The following TTN variants were observed in gnomAD, a reference collection of about 807,000 sequenced individuals.
TTN encodes titin, also known as connectin.
A neutral mutation model predicts 3,223.0 loss-of-function variants in TTN; 1,525 were observed. That is an observed-to-expected ratio of 0.47 (90% CI 0.45 to 0.49). TTN has a LOEUF of 0.49. Ranked by LOEUF, TTN falls within the 20% of genes least tolerant of loss-of-function variation. TTN has a pLI of 0.00. For synonymous variants in TTN, 14,094 were observed against 15,161.0 expected, an observed-to-expected ratio of 0.93 and a Z score of 5.17; for missense variants, 40,786 against 43,424.0, an observed-to-expected ratio of 0.94 and a Z score of 5.40.
In TTN at chr2:178,580,018, G is replaced by A; in HGVS notation, c.67269C>T (p.Ser22423=). 2.5e-6 allele frequency: 4 copies of A among 1,613,312 alleles called. No individual in the cohort carries two copies. The highest frequency in any genetic ancestry group is 3.4e-6 in the Non-Finnish European group (4 of 1,179,498). The change falls in exon 318 of 363, where the codon TCC becomes TCT. Residue 22423 remains serine (S), a synonymous_variant. Transcript: ENST00000589042. ...TTTCAGCAAACACTCGGAAGAAGTAGGATTTTCCCTCCTCCAAATTAGCTA... is the reference window on the plus strand; with the variant it reads ...TTTCAGCAAACACTCGGAAGAAGTAAGATTTTCCCTCCTCCAAATTAGCTA... The part of the protein sequence containing the change: ...FRVANLEEGK[S]YFFRVFAENE...
intron 33 of TTN, 177 bp downstream of exon 33, chr2:178,772,932 A>G (rs371774442): frequency 1.7e-5 from 13 of 750,434 alleles, no homozygotes; most frequent in Middle Eastern, 3.9e-4. Flanking sequence ...GTAGGCCTAG[A>G]AGAACATTTG....
intron 83 of TTN, 22 bp downstream of exon 83, chr2:178,719,142 A>G: frequency 6.3e-7 from 1 of 1,592,698 alleles, no homozygotes; most frequent in Non-Finnish European, 8.6e-7. Flanking sequence ...GAGAAGCAGC[A>G]GCTTTATCCT....
intron 236 of TTN, 35 bp from the exon 237 acceptor site, chr2:178,631,335 A>G (rs931056298): frequency 1.9e-6 from 3 of 1,569,966 alleles, no homozygotes; most frequent in Non-Finnish European, 2.6e-6. Context: ...GCTTTTATTA[A>G]TCACCTTAGG....
chr2:178,795,974 A>G (rs999635857), intron 6 of TTN, among the ~76,000 whole-genome samples: 1 of 152,174 alleles, frequency 6.6e-6, no homozygotes, highest in Admixed American at 6.5e-5. Context: ...ATATCTTTAG[A>G]GTTATTGTGG....
chr2:178,550,474 G>A, intron 336 of TTN: 1 of 536,584 alleles, frequency 1.9e-6, no homozygotes, highest in East Asian at 3.0e-5. Flanking sequence ...TATTCCCTTT[G>A]TAATGCCTGT....
Position 178,709,842 on chromosome 2 carries a change from G to A in TTN, c.28477C>T (p.Pro9493Ser). The change falls in exon 99 of 363, where the codon CCA becomes TCA. Residue 9493 changes from proline to serine, a missense_variant. By Grantham distance (74) the Pro-to-Ser change is moderately conservative. Transcript: ENST00000589042. ...TCTGAGAGTCTTTTAGTGAAACTTG[G>A]TGGGATGAGCCGCTCTATAAGAAAT... ...QLNIKERLIP[P>S]SFTKRLSETV... is the part of the protein sequence containing the mutation. 6.2e-7 allele frequency: 1 copy of A among 1,611,608 alleles called. No homozygotes were observed.
chr2:178,587,402 A>G lies in TTN; in HGVS notation c.63809T>C (p.Val21270Ala), dbSNP rs770388612. ...GACATCTGAAACTTTTAAATCAGAC[A>G]CAGGCCCAGGAGTGTCTGTAAAGAA... Reference protein sequence around the residue: ...NVRVLDTPGPVSDLKVSDVTK... With the variant: ...NVRVLDTPGPASDLKVSDVTK... Residue 21270 changes from valine to alanine, a missense_variant, in exon 307 of 363, where the codon GTG (valine) becomes GCG (alanine). Transcript: ENST00000589042. The G allele has an allele frequency of 4.3e-6, 7 of 1,609,798 alleles. No individual in the cohort carries two copies. The highest frequency in any genetic ancestry group is 1.1e-5 in the South Asian group (1 of 90,582).
In TTN at chr2:178,709,980, A is replaced by G. The variant is rs2076422091; in HGVS notation, c.28463-124T>C. On this transcript the variant is annotated intron_variant, in intron 98 of 362. Transcript: ENST00000589042. ...TCAAGGCTAACCAACTAAATACACT[A>G]TATCAGAATATGTTCCTAAACATTT... 7.7e-6 allele frequency: 7 copies of G among 904,674 alleles called. No homozygotes were observed. The African/African-American group carries it at 8.4e-5, about 11-fold the overall frequency. 56.0% of individuals were successfully genotyped at this position (904,674 alleles called of 1,614,324 possible).
chr2:178,653,100 A>G lies in TTN; in HGVS notation c.38816T>C (p.Val12939Ala). The change falls in exon 199 of 363, where the codon GTT becomes GCT. Residue 12939 changes from valine (V) to alanine (A), a missense_variant. Transcript: ENST00000589042. Reference sequence around the variant, plus strand: ...AGTCACTGGCACTTTCTTTTCAGGAACAACTTCTTTGGGAGCCTCTGGCAC... The same window carrying G: ...AGTCACTGGCACTTTCTTTTCAGGAGCAACTTCTTTGGGAGCCTCTGGCAC... ...VKVPEAPKEV[V>A]PEKKVPVTPP... 1 of 1,613,104 alleles carries G rather than the reference A, an allele frequency of 6.2e-7. No homozygotes were observed. Among genetic ancestry groups the G allele is most frequent in the South Asian group, 1.1e-5 (1 of 90,974 alleles).
intron 113 of TTN, 117 bp from the exon 114 acceptor site, chr2:178,696,386 TG>T: frequency 5.0e-6 from 5 of 993,126 alleles, no homozygotes; most frequent in African/African-American, 1.7e-5. Context: ...ATTGATAATT[TG>T]TTTTTTTTTT....
At position 178,800,675 on chromosome 2, in the gene TTN, T is replaced by C. The variant is rs1447678148; in HGVS notation, c.303A>G (p.Thr101=). The C allele has an allele frequency of 6.2e-7, 1 of 1,607,452 alleles. No homozygotes were observed. The highest frequency in any genetic ancestry group is 1.7e-5 in the Admixed American group (1 of 59,544). Residue 101 remains threonine, a synonymous_variant, in exon 4 of 363, where the codon ACA becomes ACG. Transcript: ENST00000589042. ...GTCGTTGAACGAAGTTGGGTGGTGC[T>C]GTCTCAGCTGCGGGGACAAGAGAAC... The part of the protein sequence containing the change: ...STAELLVKAE[T]APPNFVQRLQ...
chr2:178,630,227 T>C lies in TTN; in HGVS notation c.44281+14A>G, dbSNP rs745533972. The C allele has an allele frequency of 1.3e-5, 21 of 1,611,466 alleles. No individual in the cohort carries two copies. The Admixed American group carries it at 3.4e-4, about 26-fold the overall frequency. On this transcript the variant is annotated intron_variant, in intron 239 of 362. Coordinates refer to ENST00000589042, the MANE Select transcript of TTN (RefSeq NM_001267550.2). ...GTGTTTATTTAATTTCCCTGAAAAA[T>C]ATACAATACTTACGCTTAACTCGGA...
In TTN at chr2:178,614,490, C is replaced by A. The variant is rs1429247714; in HGVS notation, c.49024G>T (p.Ala16342Ser). Residue 16342 changes from alanine (A) to serine (S), a missense_variant, in exon 261 of 363, where the codon GCT (alanine) becomes TCT (serine). Transcript: ENST00000589042. ...EAVNVCGRAT[A>S]VVEVNVLDKP... ...CCTAAGACGTTCACTTCCACCACAG[C>A]AGTGGCCCGGCCACACACATTCACA... The A allele has an allele frequency of 3.1e-6, 5 of 1,609,066 alleles. 1 individual carries two copies. In the South Asian group the frequency reaches 4.4e-5, roughly 14 times the overall value.
In TTN at chr2:178,725,456, T is replaced by A; in HGVS notation, c.20748A>T (p.Lys6916Asn). The change falls in exon 71 of 363, where the codon AAA becomes AAT. Residue 6916 changes from lysine (K) to asparagine (N), a missense_variant. Physicochemically the swap from Lys to Asn is moderately conservative, Grantham distance 94. Coordinates refer to ENST00000589042, the MANE Select transcript of TTN (RefSeq NM_001267550.2). ...VENVATLQFAKAEPANAGKYI... is the reference protein window; with the variant it reads ...VENVATLQFANAEPANAGKYI... ...ACTTTCCAGCATTAGCTGGCTCTGC[T>A]TTTGCAAACTGTAGAGTTGCAACAT... 2.5e-6 allele frequency: 4 copies of A among 1,613,086 alleles called. No individual in the cohort carries two copies. The highest frequency in any genetic ancestry group is 3.4e-6 in the Non-Finnish European group (4 of 1,179,440).
At chr2:178,722,615 A>G (rs1408281507) in intron 76 of TTN, 44 bp downstream of exon 76, 1 of 1,592,526 alleles carries the variant, frequency 6.3e-7, no homozygotes, top group South Asian at 1.2e-5. Flanking sequence ...AAGATACAAG[A>G]GTTAAGGAAA....
At chr2:178,780,245 T>C (rs757731551) in intron 21 of TTN, 40 bp from the exon 22 acceptor site, 3 of 1,551,814 alleles carry the variant, frequency 1.9e-6, no homozygotes, top group Admixed American at 3.3e-5. Flanking sequence ...AATGCTCTTA[T>C]TAGAAAACAG....
Position 178,542,574 on chromosome 2 carries a change from G to A in TTN, c.97193-11C>T. ...GTGGACCAGGCTTGTCTATGAAAGAGAAGAAATACAGGAAATTAATTTTTA... is the reference window on the plus strand; with the variant it reads ...GTGGACCAGGCTTGTCTATGAAAGAAAAGAAATACAGGAAATTAATTTTTA... On this transcript the variant is annotated splice_polypyrimidine_tract_variant and intron_variant, in intron 348 of 362. Coordinates refer to ENST00000589042, the MANE Select transcript of TTN (RefSeq NM_001267550.2). The A allele has an allele frequency of 6.3e-7, 1 of 1,593,886 alleles. No homozygotes were observed. Among genetic ancestry groups the A allele is most frequent in the African/African-American group, 1.3e-5 (1 of 74,438 alleles).
intron 17 of TTN, 75 bp from the exon 18 acceptor site, chr2:178,783,139 G>T: frequency 6.4e-7 from 1 of 1,557,998 alleles, no homozygotes; most frequent in Non-Finnish European, 8.8e-7. Flanking sequence ...AACAAATGTA[G>T]AGTTTGAACT....
chr2:178,804,345 T>C (rs985876782), intron 2 of TTN, among the ~76,000 whole-genome samples: 3 of 152,200 alleles, frequency 2.0e-5, no homozygotes, highest in Admixed American at 6.5e-5. Context: ...ATAATAAATA[T>C]GAATAAAACA....
Sources: gnomAD v4.1 joint callset for allele counts (sites outside exome capture counted in the v4.1 genomes callset) on GRCh38, gnomAD v4.1.1 for gene constraint, MANE v1.5 for transcripts, NCBI Gene and HGNC (gene_info 2026-07-23, HGNC 2026-07-21) for gene names.